Variants in CDH2 observed in about 807,000 individuals in gnomAD.
CDH2 encodes the protein cadherin 2.
Under a neutral mutation model 92.0 loss-of-function variants are expected in CDH2, and 17 were observed. That is an observed-to-expected ratio of 0.18 (90% confidence interval 0.13 to 0.28). CDH2 has a LOEUF of 0.28. Among genes scored for constraint, CDH2 ranks in the 10% least tolerant of loss-of-function variants. The pLI is 1.00. For synonymous variants in CDH2, 419 were observed against 415.9 expected, an observed-to-expected ratio of 1.01 and a Z score of -0.09; for missense variants, 862 against 1,133.1, an observed-to-expected ratio of 0.76 and a Z score of 3.44.
At chr18:27,938,306 C>A (rs556196020) in intron 6 of CDH2, among the ~76,000 whole-genome samples, 1 of 152,242 alleles carries the variant, frequency 6.6e-6, no homozygotes, top group African/African-American at 2.4e-5. Context: ...TCAGGTATTT[C>A]TTTATAGGCA....
chr18:28,104,350 A>G (rs886304566), intron 2 of CDH2, among the ~76,000 whole-genome samples: 1 of 152,190 alleles, frequency 6.6e-6, no homozygotes, highest in Non-Finnish European at 1.5e-5. Flanking sequence ...AAATTTGATA[A>G]CAGGAAAATG....
chr18:28,176,909 G>T lies in CDH2; in HGVS notation c.60+54C>A, dbSNP rs967678849. The T allele has an allele frequency of 2.7e-6, 3 of 1,092,158 alleles. No individual in the cohort carries two copies. In the East Asian group the frequency reaches 1.2e-4, roughly 43 times the overall value. 67.7% of individuals were successfully genotyped at this position (1,092,158 alleles called of 1,614,324 possible). A position where few individuals can be genotyped will look rare whatever the true frequency, so the allele number is the denominator to read the frequency against. On this transcript the variant is annotated intron_variant, in intron 1 of 15. Coordinates refer to ENST00000269141, the MANE Select transcript of CDH2 (RefSeq NM_001792.5). The stretch of plus-strand genomic sequence containing the variant: ...AGCGGCGCGGGGAACAAAGGGACCC[G>T]GCGCCGCCCGCCCCACCCCGCCCGT...
chr18:27,984,859 G>A, intron 13 of CDH2, 141 bp downstream of exon 13: 1 of 635,128 alleles, frequency 1.6e-6, no homozygotes, highest in Non-Finnish European at 2.8e-6. Flanking sequence ...GGACTTGGTC[G>A]ACCCATATAT....
chr18:28,038,965 C>T (rs1423428447), intron 2 of CDH2, among the ~76,000 whole-genome samples: 1 of 152,152 alleles, frequency 6.6e-6, no homozygotes, highest in Non-Finnish European at 1.5e-5. Flanking sequence ...GCTTCTGGAA[C>T]TCCTGTGAAG....
At chr18:28,048,815 TAGC>T (rs1281978561) in intron 2 of CDH2, among the ~76,000 whole-genome samples, 7 of 151,964 alleles carry the variant, frequency 4.6e-5, no homozygotes, top group South Asian at 2.1e-4. Context: ...GAGCGTGAAA[TAGC>T]AGCCTGCCAT....
intron 6 of CDH2, among the ~76,000 whole-genome samples, chr18:27,936,009 TAATATTGACA>T: frequency 6.6e-6 from 1 of 152,186 alleles, no homozygotes; most frequent in African/African-American, 2.4e-5. Flanking sequence ...AACACAACTG[TAATATTGACA>T]GAAAATAGAT....
chr18:27,971,227 C>T (rs1053273038), intron 14 of CDH2, among the ~76,000 whole-genome samples: 3 of 136,346 alleles, frequency 2.2e-5, no homozygotes, highest in Non-Finnish European at 3.4e-5. Context: ...CAGAGCGAGA[C>T]TCCATCTCAA....
At chr18:27,945,117 C>T (rs574676341) in intron 6 of CDH2, among the ~76,000 whole-genome samples, 69 of 152,118 alleles carry the variant, frequency 4.5e-4, no homozygotes, top group Non-Finnish European at 8.8e-4. Flanking sequence ...TCCACCCACC[C>T]AGTGCTTAAT....
chr18:28,045,628 T>C (rs937432761), intron 2 of CDH2: 1 of 301,250 alleles, frequency 3.3e-6, no homozygotes. Context: ...ACTCATCTTT[T>C]AAGGGTCATT....
intron 2 of CDH2, among the ~76,000 whole-genome samples, chr18:28,073,967 A>G (rs2014669405): frequency 6.6e-6 from 1 of 152,192 alleles, no homozygotes; most frequent in South Asian, 2.1e-4. Context: ...TTTACATTGT[A>G]TTAATATCAT....
chr18:28,088,731 T>G (rs963746524), intron 2 of CDH2, among the ~76,000 whole-genome samples: 4 of 152,154 alleles, frequency 2.6e-5, no homozygotes, highest in African/African-American at 9.7e-5. Flanking sequence ...GCATGTTCCC[T>G]GACAGCCACC....
rs1387749133 is a variant in CDH2 at position 27,981,455 on chromosome 18, G to A, written c.2349+1489C>T. On this transcript the variant is annotated intron_variant, in intron 14 of 15. Coordinates refer to ENST00000269141, the MANE Select transcript of CDH2 (RefSeq NM_001792.5). ...CAAAACAGCTTTACACATGAGTCAA[G>A]TTTTCAACGTACTTTAAATATGCAT... Among the ~76,000 whole-genome samples the A allele has an allele frequency of 1.3e-5, 2 of 152,186 alleles. 1 individual carries two copies. The highest frequency in any genetic ancestry group is 4.1e-4 in the South Asian group (2 of 4,824).
chr18:28,060,899 A>C (rs1289964203), intron 2 of CDH2, among the ~76,000 whole-genome samples: 1 of 152,238 alleles, frequency 6.6e-6, no homozygotes, highest in Non-Finnish European at 1.5e-5. Flanking sequence ...TAAATCAACA[A>C]AATCAGCATT....
intron 1 of CDH2, among the ~76,000 whole-genome samples, chr18:28,169,209 TCTA>T (rs1181349810): frequency 1.3e-5 from 2 of 152,198 alleles, no homozygotes; most frequent in African/African-American, 4.8e-5. Flanking sequence ...CTGTATCTGC[TCTA>T]CTGAGTTCTG....
At chr18:28,163,636 T>TA (rs771671526) in intron 1 of CDH2, among the ~76,000 whole-genome samples, 1 of 152,188 alleles carries the variant, frequency 6.6e-6, no homozygotes, top group Non-Finnish European at 1.5e-5. Flanking sequence ...ACCAAATAAG[T>TA]AAATTGTACC....
intron 7 of CDH2, 47 bp from the exon 8 acceptor site, chr18:27,993,684 G>A: frequency 7.0e-7 from 1 of 1,424,828 alleles, no homozygotes; most frequent in Non-Finnish European, 9.8e-7. Flanking sequence ...AATTCCTCAA[G>A]AAGACATAAC....
Position 28,011,939 on chromosome 18 carries a change from A to C in CDH2, c.453T>G (p.Ser151Arg). ...IVFPRQFSKH[S>R]GHLQRQKRDW... ...CTCTCTTCTGCCTTTGTAGGTGGCC[A>C]CTGTGCTTACTGAATTGTCTTGGGA... The change falls in exon 4 of 16, where the codon AGT becomes AGG. Residue 151 changes from serine to arginine, a missense_variant. Coordinates refer to ENST00000269141, the MANE Select transcript of CDH2 (RefSeq NM_001792.5). 6.2e-7 allele frequency: 1 copy of C among 1,613,944 alleles called. No homozygotes were observed. Among genetic ancestry groups the C allele is most frequent in the Non-Finnish European group, 8.5e-7 (1 of 1,179,846 alleles).
intron 2 of CDH2, among the ~76,000 whole-genome samples, chr18:28,014,393 T>G (rs911919307): frequency 9.9e-5 from 15 of 152,276 alleles, no homozygotes; most frequent in Middle Eastern, 3.4e-3. Context: ...TTCTTAGTTA[T>G]CCTGCATACC....
intron 2 of CDH2, among the ~76,000 whole-genome samples, chr18:28,125,582 C>T (rs1449981852): frequency 6.6e-6 from 1 of 151,974 alleles, no homozygotes; most frequent in Non-Finnish European, 1.5e-5. Context: ...AAACATTAAG[C>T]GTAAATTCAC....
Sources: allele counts gnomAD v4.1 joint callset (sites outside exome capture counted in the v4.1 genomes callset), GRCh38; gene constraint gnomAD v4.1.1; transcripts MANE v1.5; gene names NCBI Gene and HGNC (gene_info 2026-07-23, HGNC 2026-07-21).